The following MRPS35 variants were observed in gnomAD, a reference collection of about 807,000 sequenced individuals.
MRPS35 encodes small ribosomal subunit protein mS35.
In MRPS35, 29 loss-of-function variants were observed where a neutral mutation model predicts 32.7. The observed-to-expected ratio is 0.89, with a 90% CI of 0.66 to 1.21. The LOEUF (loss-of-function observed/expected upper bound fraction) is 1.21, where lower values mean the gene tolerates loss of function less well. Among genes scored for constraint, MRPS35 ranks in the 50% most tolerant of loss-of-function variants. MRPS35 has a pLI of 0.00. For missense variants in MRPS35, 373 were observed against 383.8 expected (o/e 0.97, Z 0.23); for synonymous variants, 148 against 139.3 (o/e 1.06, Z -0.44).
chr12:27,713,222 C>T (rs1219592881), intron 1 of MRPS35, among the ~76,000 whole-genome samples: 1 of 152,196 alleles, frequency 6.6e-6, no homozygotes, highest in African/African-American at 2.4e-5. Flanking sequence ...GCTCATCTTT[C>T]AGGTTTTAGC....
intron 7 of MRPS35, among the ~76,000 whole-genome samples, chr12:27,742,923 C>A (rs1264628746): frequency 6.6e-6 from 1 of 152,028 alleles, no homozygotes; most frequent in Non-Finnish European, 1.5e-5. Context: ...GTAGAGCAAT[C>A]ATAGCTCACT....
chr12:27,736,536 G>A (rs1216259019), intron 6 of MRPS35, among the ~76,000 whole-genome samples: 1 of 150,870 alleles, frequency 6.6e-6, no homozygotes, highest in Non-Finnish European at 1.5e-5. Context: ...AAGTGTTAGT[G>A]TATGGATATG....
At chr12:27,731,705 A>C (rs933446372) in intron 5 of MRPS35, among the ~76,000 whole-genome samples, 8 of 152,094 alleles carry the variant, frequency 5.3e-5, no homozygotes, top group Admixed American at 2.0e-4. Context: ...AGTAGTTGGA[A>C]TTATAGGAAT....
chr12:27,722,370 A>G (rs956266448), intron 4 of MRPS35, among the ~76,000 whole-genome samples: 20 of 152,176 alleles, frequency 1.3e-4, no homozygotes, highest in Non-Finnish European at 2.6e-4. Flanking sequence ...AGTCTCATCT[A>G]TTGCTCTACC....
chr12:27,735,998 A>G (rs2061941713), intron 6 of MRPS35, among the ~76,000 whole-genome samples: 1 of 152,228 alleles, frequency 6.6e-6, no homozygotes, highest in Admixed American at 6.5e-5. Context: ...GCCAGGACAG[A>G]TGTTTATAAA....
At chr12:27,747,493 TGAAA>T (rs1240535563) in intron 7 of MRPS35, among the ~76,000 whole-genome samples, 1 of 152,266 alleles carries the variant, frequency 6.6e-6, no homozygotes, top group Non-Finnish European at 1.5e-5. Context: ...CTTTGGTAGC[TGAAA>T]GAATTGACAG....
chr12:27,719,977 T>C, intron 4 of MRPS35, 109 bp downstream of exon 4: 1 of 783,060 alleles, frequency 1.3e-6, no homozygotes, highest in Non-Finnish European at 2.1e-6. Context: ...TTTCAGTGAA[T>C]TGTTACATGT....
chr12:27,738,139 T>C (rs1178654497), intron 7 of MRPS35, among the ~76,000 whole-genome samples: 1 of 152,206 alleles, frequency 6.6e-6, no homozygotes, highest in Non-Finnish European at 1.5e-5. Context: ...TTTCAGACTT[T>C]AGATTTTTTC....
At chr12:27,740,047 G>A (rs575360481) in intron 7 of MRPS35, among the ~76,000 whole-genome samples, 6 of 152,310 alleles carry the variant, frequency 3.9e-5, no homozygotes, top group South Asian at 2.1e-4. Context: ...CAGTGAAGAA[G>A]ATTTTGAATA....
chr12:27,755,509 CTAATT>C lies in MRPS35; in HGVS notation c.*61_*65del, dbSNP rs1210186878. 2 of 1,359,728 alleles carry C rather than the reference CTAATT, an allele frequency of 1.5e-6. No homozygotes were observed. The highest frequency in any genetic ancestry group is 1.5e-5 in the African/African-American group (1 of 67,004). The allele number at this position is 1,359,728 out of a possible 1,614,324, so 84.2% of individuals were successfully genotyped here. ...ATTTTATGATATATGTGATCAGTAT[CTAATT>C]TGATATAAAATTGAAAATGTTAAAA... On this transcript the variant is annotated 3_prime_UTR_variant, in exon 8 of 8. Coordinates refer to ENST00000081029, the MANE Select transcript of MRPS35 (RefSeq NM_021821.4).
At position 27,755,230 on chromosome 12, in the gene MRPS35, A is replaced by G. The variant is rs752046701; in HGVS notation, c.752A>G (p.Tyr251Cys). 4.8e-5 allele frequency: 78 copies of G among 1,608,980 alleles called. No individual in the cohort carries two copies. The East Asian group carries it at 1.7e-3, about 35-fold the overall frequency. The change falls in exon 8 of 8, where the codon TAT becomes TGT. Residue 251 changes from tyrosine (Y) to cysteine (C), a missense_variant. By Grantham distance (194) the Tyr-to-Cys change is radical. Transcript: ENST00000081029. ...AAGACTGAAGCAGACATGGAAGAGT[A>G]TATATGGGAAAATAGCTCATCAGAA... is the stretch of plus-strand genomic sequence containing the variant. ...KSKTEADMEE[Y>C]IWENSSSERN...
chr12:27,731,678 C>T (rs188380702), intron 5 of MRPS35, among the ~76,000 whole-genome samples: 15 of 152,312 alleles, frequency 9.8e-5, no homozygotes, highest in African/African-American at 3.4e-4. Flanking sequence ...AAGCGATTCT[C>T]CTGCTTCAGC....
Position 27,755,241 on chromosome 12 carries a change from A to G in MRPS35, c.763A>G (p.Asn255Asp), listed in dbSNP as rs1307269831. Residue 255 changes from asparagine to aspartate, a missense_variant, in exon 8 of 8, where the codon AAT becomes GAT. By Grantham distance (23) the Asn-to-Asp change is conservative. Transcript: ENST00000081029. ...EADMEEYIWE[N>D]SSSERNILET... ...AGACATGGAAGAGTATATATGGGAA[A>G]ATAGCTCATCAGAAAGAAATATCCT... is the stretch of plus-strand genomic sequence containing the variant. 1.2e-6 allele frequency: 2 copies of G among 1,610,484 alleles called. No homozygotes were observed. Among genetic ancestry groups the G allele is most frequent in the Non-Finnish European group, 8.5e-7 (1 of 1,179,372 alleles).
intron 7 of MRPS35, among the ~76,000 whole-genome samples, chr12:27,741,453 T>C (rs554467016): frequency 3.6e-4 from 55 of 152,292 alleles, no homozygotes; most frequent in African/African-American, 1.3e-3. Flanking sequence ...CTATAAATAA[T>C]GTTGATATTA....
chr12:27,734,242 C>CTT (rs34818669), intron 5 of MRPS35, among the ~76,000 whole-genome samples: 35 of 135,540 alleles, frequency 2.6e-4, no homozygotes, highest in East Asian at 6.3e-4. Context: ...AACCTATCTT[C>CTT]TTTTTTTTTT....
At position 27,724,757 on chromosome 12, in the gene MRPS35, T is replaced by C. The variant is rs527960062; in HGVS notation, c.522+571T>C. On this transcript the variant is annotated intron_variant, in intron 5 of 7. Transcript: ENST00000081029. ...GATTCCATCTCGGAAAAAAAAAAAA[T>C]TACAAAATTGCCCGTAAATCTACTA... 4.6e-5 allele frequency among the ~76,000 whole-genome samples: 7 copies of C among 151,698 alleles called. No individual in the cohort carries two copies. The South Asian group carries it at 1.5e-3, about 32-fold the overall frequency.
chr12:27,715,302 AT>A (rs1254052961), intron 2 of MRPS35, among the ~76,000 whole-genome samples: 1 of 151,972 alleles, frequency 6.6e-6, no homozygotes, highest in Non-Finnish European at 1.5e-5. Flanking sequence ...TGCCTGGCTA[AT>A]TTTTTGTGTT....
At chr12:27,714,644 A>C (rs1207999412) in intron 1 of MRPS35, 136 bp from the exon 2 acceptor site, 5 of 709,794 alleles carry the variant, frequency 7.0e-6, no homozygotes, top group Non-Finnish European at 1.1e-5. Context: ...CAAAAAAAAA[A>C]AAAAAAAGAT....
intron 6 of MRPS35, among the ~76,000 whole-genome samples, chr12:27,737,048 T>A (rs1346183579): frequency 1.3e-5 from 2 of 152,170 alleles, no homozygotes; most frequent in Non-Finnish European, 2.9e-5. Flanking sequence ...GCTAATTTTT[T>A]AATTTTTGTA....
Sources: gnomAD v4.1 joint callset for allele counts (sites outside exome capture counted in the v4.1 genomes callset) on GRCh38, gnomAD v4.1.1 for gene constraint, MANE v1.5 for transcripts, NCBI Gene and HGNC (gene_info 2026-07-23, HGNC 2026-07-21) for gene names.